PDE11A: variants seen among roughly 807,000 people sequenced by gnomAD.
PDE11A encodes the protein phosphodiesterase 11A.
PDE11A carries 100 observed loss-of-function variants against 100.5 expected under a neutral mutation model. That is an observed-to-expected ratio of 1.00 (90% CI 0.85 to 1.18). The LOEUF (loss-of-function observed/expected upper bound fraction) is 1.18. PDE11A is among the 50% of genes most tolerant of loss of function. The pLI is 0.00. For synonymous variants in PDE11A, 381 were observed against 420.8 expected, an observed-to-expected ratio of 0.91 and a Z score of 1.16; for missense variants, 1,141 against 1,152.6, an observed-to-expected ratio of 0.99 and a Z score of 0.15.
At chr2:178,055,780 G>A (rs564623846) in intron 1 of PDE11A, among the ~76,000 whole-genome samples, 19 of 152,076 alleles carry the variant, frequency 1.2e-4, no homozygotes, top group South Asian at 8.3e-4. Context: ...CTTTATTCAC[G>A]TTTTTCTATT....
chr2:177,932,390 T>C (rs1478693069), intron 2 of PDE11A, among the ~76,000 whole-genome samples: 3 of 152,006 alleles, frequency 2.0e-5, no homozygotes, highest in South Asian at 4.2e-4. Context: ...TTGATGAACA[T>C]AGACATGAAA....
rs138814317 is a variant in PDE11A, at chr2:178,072,679, T to C, written c.-242A>G. 3,292 of 1,419,992 alleles carry C rather than the reference T, an allele frequency of 2.3e-3. 6 individuals are homozygous for C. Among genetic ancestry groups the C allele is most frequent in the Non-Finnish European group, 2.8e-3 (3,007 of 1,090,104 alleles). 88.0% of individuals were successfully genotyped at this position (1,419,992 alleles called of 1,614,324 possible). Reference sequence around the variant, plus strand: ...CCTGCTCCGCACAGGTGCCCAGCACTGAGCTGCCGCCGCTGCCCCGGCTCC... The same window carrying C: ...CCTGCTCCGCACAGGTGCCCAGCACCGAGCTGCCGCCGCTGCCCCGGCTCC... On this transcript the variant is annotated 5_prime_UTR_variant, in exon 1 of 20. Transcript: ENST00000286063.
At chr2:177,883,823 G>C (rs2084385357) in intron 4 of PDE11A, among the ~76,000 whole-genome samples, 1 of 152,196 alleles carries the variant, frequency 6.6e-6, no homozygotes, top group African/African-American at 2.4e-5. Context: ...ACAAGAGGGA[G>C]GGAGGGGAGA....
chr2:178,014,233 C>A, intron 2 of PDE11A, 69 bp downstream of exon 2: 1 of 1,213,288 alleles, frequency 8.2e-7, no homozygotes. Flanking sequence ...TAATTCCTGT[C>A]TTTTAAAGGA....
intron 2 of PDE11A, among the ~76,000 whole-genome samples, chr2:177,960,911 T>G (rs1277357124): frequency 6.6e-6 from 1 of 152,176 alleles, no homozygotes; most frequent in Non-Finnish European, 1.5e-5. Context: ...AGGTCACAAG[T>G]TGATGCAGAA....
At chr2:178,014,740 A>T (rs1005891426) in intron 1 of PDE11A, among the ~76,000 whole-genome samples, 1 of 152,200 alleles carries the variant, frequency 6.6e-6, no homozygotes, top group African/African-American at 2.4e-5. Flanking sequence ...AAAGCGATTT[A>T]TGTGATTTAT....
intron 2 of PDE11A, among the ~76,000 whole-genome samples, chr2:178,087,476 G>T (rs1574391885): frequency 6.6e-6 from 1 of 151,998 alleles, no homozygotes; most frequent in African/African-American, 2.4e-5. Context: ...AATGAAACAA[G>T]ACACAGAAAG....
At chr2:177,932,194 C>G (rs1284542276) in intron 2 of PDE11A, among the ~76,000 whole-genome samples, 2 of 152,044 alleles carry the variant, frequency 1.3e-5, no homozygotes, top group Non-Finnish European at 2.9e-5. Flanking sequence ...CAAATAAAAT[C>G]TCTGGACCAT....
intron 1 of PDE11A, among the ~76,000 whole-genome samples, chr2:178,062,628 T>G (rs1335226811): frequency 6.6e-6 from 1 of 152,200 alleles, no homozygotes; most frequent in Non-Finnish European, 1.5e-5. Context: ...ATGAAAACTT[T>G]AAATATGTAA....
intron 1 of PDE11A, among the ~76,000 whole-genome samples, chr2:178,105,378 G>C (rs2087606045): frequency 6.6e-6 from 1 of 152,178 alleles, no homozygotes; most frequent in Non-Finnish European, 1.5e-5. Context: ...AGAATTGCTT[G>C]AACCTGGGAG....
At chr2:178,102,722 C>T (rs1318541130) in intron 2 of PDE11A, among the ~76,000 whole-genome samples, 1 of 152,056 alleles carries the variant, frequency 6.6e-6, no homozygotes, top group East Asian at 1.9e-4. Context: ...CCATGTTTGG[C>T]CAATTATGTA....
intron 2 of PDE11A, among the ~76,000 whole-genome samples, chr2:177,941,585 A>G (rs1294296352): frequency 6.6e-6 from 1 of 152,228 alleles, no homozygotes. Context: ...TCTGGAATAC[A>G]GAATGCTTCA....
intron 10 of PDE11A, among the ~76,000 whole-genome samples, chr2:177,766,608 C>T (rs2082243604): frequency 6.6e-6 from 1 of 152,210 alleles, no homozygotes. Context: ...TGTTAGAAAA[C>T]TGCCATTGCA....
At chr2:177,796,404 C>T (rs1315206711) in intron 9 of PDE11A, among the ~76,000 whole-genome samples, 1 of 152,188 alleles carries the variant, frequency 6.6e-6, no homozygotes, top group Non-Finnish European at 1.5e-5. Context: ...CCAGTACCTG[C>T]ATGGGCTTCC....
chr2:177,987,940 A>G (rs1327722178), intron 2 of PDE11A, among the ~76,000 whole-genome samples: 6 of 152,224 alleles, frequency 3.9e-5, no homozygotes, highest in Non-Finnish European at 8.8e-5. Flanking sequence ...CTGACCAGCT[A>G]TGTAAAATTA....
In PDE11A at chr2:177,908,941, G is replaced by C. The variant is rs1706801110; in HGVS notation, c.1072-3754C>G. On this transcript the variant is annotated intron_variant, in intron 2 of 19. Transcript: ENST00000286063. The stretch of plus-strand genomic sequence containing the variant: ...CATGAATAGTACAATGTACTATCAA[G>C]AAAGCATGCAAATCAGATCGGTATT... 2.0e-5 allele frequency among the ~76,000 whole-genome samples: 3 copies of C among 152,138 alleles called. No homozygotes were observed. In the South Asian group the frequency reaches 6.2e-4, roughly 32 times the overall value.
intron 2 of PDE11A, among the ~76,000 whole-genome samples, chr2:178,078,853 T>C (rs561222751): frequency 9.2e-5 from 14 of 152,322 alleles, no homozygotes; most frequent in South Asian, 8.3e-4. Flanking sequence ...AGTTAAGACA[T>C]TGACAATATA....
At chr2:177,668,074 A>T (rs570726327) in intron 18 of PDE11A, among the ~76,000 whole-genome samples, 1 of 152,336 alleles carries the variant, frequency 6.6e-6, no homozygotes, top group Admixed American at 6.5e-5. Flanking sequence ...GGTGCTCCGT[A>T]GTCTTTGTGA....
At chr2:177,634,612 T>A (rs1204933499) in intron 19 of PDE11A, among the ~76,000 whole-genome samples, 1 of 151,996 alleles carries the variant, frequency 6.6e-6, no homozygotes, top group East Asian at 1.9e-4. Flanking sequence ...GTGGTCTCCG[T>A]CTCCTGACCT....
Sources: gnomAD v4.1 joint callset for allele counts (sites outside exome capture counted in the v4.1 genomes callset) on GRCh38, gnomAD v4.1.1 for gene constraint, MANE v1.5 for transcripts, NCBI Gene and HGNC (gene_info 2026-07-23, HGNC 2026-07-21) for gene names.